SART3: variants seen among roughly 807,000 people sequenced by gnomAD.
SART3 encodes the protein HIV-1 Tat-interacting protein of 110kDa.
A neutral mutation model predicts 122.3 loss-of-function variants in SART3; 44 were observed. That is an observed-to-expected ratio of 0.36 (90% confidence interval 0.28 to 0.46). The LOEUF (loss-of-function observed/expected upper bound fraction) is 0.46, where lower values mean the gene tolerates loss of function less well. Ranked by LOEUF, SART3 falls within the 20% of genes least tolerant of loss-of-function variation. The pLI, the probability that SART3 is intolerant of heterozygous loss-of-function variation, is 1.00. For missense variants in SART3, 1,101 were observed against 1,229.0 expected (o/e 0.90, Z 1.56); for synonymous variants, 442 against 454.0 (o/e 0.97, Z 0.34).
chr12:108,536,434 G>A (rs1263427642), intron 11 of SART3, 80 bp downstream of exon 11: 2 of 1,379,620 alleles, frequency 1.4e-6, no homozygotes, highest in Non-Finnish European at 2.1e-6. Flanking sequence ...CTGGGATTCT[G>A]ACTCAATTTT....
chr12:108,560,757 G>T, intron 1 of SART3, 86 bp downstream of exon 1: 1 of 1,251,458 alleles, frequency 8.0e-7, no homozygotes, highest in Non-Finnish European at 1.1e-6. Context: ...CTTTATCGCC[G>T]CCGAGGACTA....
intron 4 of SART3, 105 bp downstream of exon 4, chr12:108,545,034 A>T: frequency 8.5e-7 from 1 of 1,173,260 alleles, no homozygotes; most frequent in Non-Finnish European, 1.3e-6. Flanking sequence ...TTTGTTAACT[A>T]TATGAACTGC....
At chr12:108,542,859 G>T in intron 6 of SART3, 169 bp downstream of exon 6, 1 of 920,608 alleles carries the variant, frequency 1.1e-6, no homozygotes, top group Non-Finnish European at 1.7e-6. Flanking sequence ...AACCTGGGTG[G>T]TAGGTACATG....
intron 1 of SART3, among the ~76,000 whole-genome samples, chr12:108,559,871 GTATT>G (rs1409645182): frequency 6.6e-6 from 1 of 152,068 alleles, no homozygotes; most frequent in Non-Finnish European, 1.5e-5. Flanking sequence ...AGAGGTCAGG[GTATT>G]TCTTCCCCCA....
chr12:108,526,477 T>C lies in SART3; in HGVS notation c.1992A>G (p.Ala664=). 6.2e-7 allele frequency: 1 copy of C among 1,614,214 alleles called. No homozygotes were observed. The highest frequency in any genetic ancestry group is 8.5e-7 in the Non-Finnish European group (1 of 1,180,044). The stretch of plus-strand genomic sequence containing the variant: ...CGGCAGCACATTTCCCAGCGGGCCC[T>C]GCTGCTACTTCTACATTTTGTGTTT... ...AGETQNVEVA[A]GPAGKCAAVD... Residue 664 remains alanine (A), a synonymous_variant, in exon 16 of 19, where the codon GCA becomes GCG. Coordinates refer to ENST00000546815, the MANE Select transcript of SART3 (RefSeq NM_014706.4).
rs563195172 is a variant in SART3, at chr12:108,553,132, C to T, written c.313-3918G>A. On this transcript the variant is annotated intron_variant, in intron 1 of 18. Coordinates refer to ENST00000546815, the MANE Select transcript of SART3 (RefSeq NM_014706.4). ...AGCAAATGGATATCCACAGGCAAAA[C>T]AAATAAATACACCTTGACCTAAACT... Among the ~76,000 whole-genome samples the T allele has an allele frequency of 2.6e-5, 4 of 152,186 alleles. No homozygotes were observed. In the South Asian group the frequency reaches 8.3e-4, roughly 32 times the overall value.
chr12:108,539,090 C>A lies in SART3; in HGVS notation c.907-1G>T. 6.2e-7 allele frequency: 1 copy of A among 1,614,114 alleles called. No homozygotes were observed. ...CCAGCCTTGGTGCCTCTGCCTGCAA[C>A]TGGAGTACAGGAAAATTGTATTGAA... On this transcript the variant is annotated splice_acceptor_variant, in intron 6 of 18. Coordinates refer to ENST00000546815, the MANE Select transcript of SART3 (RefSeq NM_014706.4). LOFTEE classifies it high-confidence loss of function.
In SART3 at chr12:108,526,432, C is replaced by G. The variant is rs200135717; in HGVS notation, c.2037G>C (p.Ser679=). Residue 679 remains serine, a synonymous_variant, in exon 16 of 19, where the codon TCG becomes TCC. Coordinates refer to ENST00000546815, the MANE Select transcript of SART3 (RefSeq NM_014706.4). ...KCAAVDVEPP[S]KQKEKAASLK... ...GGGAGGCTGCCTTCTCCTTCTGCTT[C>G]GAAGGGGGCTCCACATCTACGGCAG... 11 of 1,614,158 alleles carry G rather than the reference C, an allele frequency of 6.8e-6. No individual in the cohort carries two copies. The African/African-American group carries it at 1.3e-4, about 20-fold the overall frequency.
intron 5 of SART3, 25 bp from the exon 6 acceptor site, chr12:108,543,177 G>A (rs757034264): frequency 6.2e-6 from 10 of 1,613,114 alleles, no homozygotes; most frequent in East Asian, 2.2e-5. Context: ...ATTCAGCCCC[G>A]TGGGTCTTGC....
At chr12:108,529,359 C>T (rs1872544841) in intron 15 of SART3, among the ~76,000 whole-genome samples, 1 of 152,196 alleles carries the variant, frequency 6.6e-6, no homozygotes, top group Non-Finnish European at 1.5e-5. Flanking sequence ...CAATAACCAA[C>T]AGCAGTGAGC....
chr12:108,546,278 C>T (rs1873413511), intron 3 of SART3, among the ~76,000 whole-genome samples: 2 of 152,240 alleles, frequency 1.3e-5, no homozygotes, highest in South Asian at 4.1e-4. Flanking sequence ...CGGCTCACTG[C>T]ACCCTCTACC....
intron 1 of SART3, among the ~76,000 whole-genome samples, chr12:108,555,736 TG>T (rs2030193776): frequency 6.6e-6 from 1 of 152,220 alleles, no homozygotes; most frequent in African/African-American, 2.4e-5. Context: ...ATAATCATTA[TG>T]GCAAAGACGT....
At chr12:108,528,727 G>A (rs1169995797) in intron 15 of SART3, among the ~76,000 whole-genome samples, 1 of 152,156 alleles carries the variant, frequency 6.6e-6, no homozygotes, top group Non-Finnish European at 1.5e-5. Flanking sequence ...CATATGAGAA[G>A]GGGAGGCAGG....
Position 108,544,411 on chromosome 12 carries a change from T to C in SART3, c.781+16A>G, listed in dbSNP as rs773841428. The C allele has an allele frequency of 3.1e-6, 5 of 1,606,412 alleles. No individual in the cohort carries two copies. The highest frequency in any genetic ancestry group is 1.7e-5 in the Admixed American group (1 of 59,992). On this transcript the variant is annotated intron_variant, in intron 5 of 18. Transcript: ENST00000546815. ...AACCATAGAGGGCTGGCTGTTGACATGTCAGTTTCTCTTACCATAGAGTGG... is the reference window on the plus strand; with the variant it reads ...AACCATAGAGGGCTGGCTGTTGACACGTCAGTTTCTCTTACCATAGAGTGG...
At chr12:108,530,582 C>T (rs1356617894) in intron 14 of SART3, among the ~76,000 whole-genome samples, 1 of 152,088 alleles carries the variant, frequency 6.6e-6, no homozygotes, top group African/African-American at 2.4e-5. Context: ...ACTGGCCGGG[C>T]GCGGTGGCTC....
At chr12:108,527,122 G>A (rs1046474329) in intron 15 of SART3, among the ~76,000 whole-genome samples, 8 of 152,124 alleles carry the variant, frequency 5.3e-5, no homozygotes, top group Admixed American at 1.3e-4. Context: ...ATCAGCCTCC[G>A]GCAAACAGAC....
At position 108,559,039 on chromosome 12, in the gene SART3, G is replaced by GAAAAAAAAAA. The variant is rs747479698; in HGVS notation, c.312+1794_312+1803dup. On this transcript the variant is annotated intron_variant, in intron 1 of 18. Transcript: ENST00000546815. The stretch of plus-strand genomic sequence containing the variant: ...CAGAGCAAGACTCCGTCTCAAAAAA[G>GAAAAAAAAAA]AAAAAAAAAAAAAAAAAAAAAAGTA... 1.7e-4 allele frequency among the ~76,000 whole-genome samples: 18 copies of GAAAAAAAAAA among 103,910 alleles called. 1 individual carries two copies. Among genetic ancestry groups the GAAAAAAAAAA allele is most frequent in the Admixed American group, 2.4e-4 (2 of 8,398 alleles). 68.2% of individuals were successfully genotyped at this position (103,910 alleles called of 152,430 possible). A position where few individuals can be genotyped will look rare whatever the true frequency, so the allele number is the denominator to read the frequency against.
At chr12:108,541,024 TAAGCACAACAA>T in intron 6 of SART3, among the ~76,000 whole-genome samples, 1 of 152,302 alleles carries the variant, frequency 6.6e-6, no homozygotes, top group Middle Eastern at 3.4e-3. Context: ...ATTTTTTAAA[TAAGCACAACAA>T]AAGCACAACC....
At chr12:108,541,583 G>A (rs914010950) in intron 6 of SART3, among the ~76,000 whole-genome samples, 50 of 152,000 alleles carry the variant, frequency 3.3e-4, no homozygotes, top group Non-Finnish European at 1.6e-4. Context: ...TGCCCAGGCT[G>A]GATGGAGTGC....
Sources: allele counts gnomAD v4.1 joint callset (sites outside exome capture counted in the v4.1 genomes callset), GRCh38; gene constraint gnomAD v4.1.1; transcripts MANE v1.5; gene names NCBI Gene and HGNC (gene_info 2026-07-23, HGNC 2026-07-21).